DLG2: variants seen among roughly 807,000 people sequenced by gnomAD.
DLG2 encodes the protein discs large MAGUK scaffold protein 2, also known as disks large homolog 2.
In DLG2, 45 loss-of-function variants were observed where a neutral mutation model predicts 132.5. The observed-to-expected ratio is 0.34, with a 90% confidence interval of 0.27 to 0.44. The LOEUF (loss-of-function observed/expected upper bound fraction) is 0.44. DLG2 is among the 20% of genes least tolerant of loss of function. The pLI is 1.00. For missense variants in DLG2, 1,045 were observed against 1,196.9 expected, an observed-to-expected ratio of 0.87 and a Z score of 1.87; for synonymous variants, 424 against 419.6, an observed-to-expected ratio of 1.01 and a Z score of -0.13.
intron 6 of DLG2, among the ~76,000 whole-genome samples, chr11:84,700,792 A>C (rs1400793503): frequency 6.6e-6 from 1 of 151,538 alleles, no homozygotes; most frequent in African/African-American, 2.4e-5. Flanking sequence ...AGGACACACA[A>C]CGTAACTTGA....
intron 7 of DLG2, among the ~76,000 whole-genome samples, chr11:84,441,543 T>C (rs1476378174): frequency 1.3e-5 from 2 of 152,204 alleles, no homozygotes; most frequent in East Asian, 1.9e-4. Context: ...GTTACTTCTA[T>C]ACAAACTAGT....
chr11:85,019,881 G>T (rs938139332), intron 6 of DLG2, among the ~76,000 whole-genome samples: 3 of 152,134 alleles, frequency 2.0e-5, no homozygotes, highest in Admixed American at 6.5e-5. Context: ...TGGACATTTG[G>T]GTTGGTTCCA....
chr11:85,374,045 G>A (rs1468512748), intron 3 of DLG2, among the ~76,000 whole-genome samples: 1 of 152,070 alleles, frequency 6.6e-6, no homozygotes, highest in African/African-American at 2.4e-5. Flanking sequence ...AACTTTCTAT[G>A]TGCAAATTCT....
At chr11:84,148,563 T>C (rs1252381052) in intron 9 of DLG2, among the ~76,000 whole-genome samples, 2 of 152,188 alleles carry the variant, frequency 1.3e-5, no homozygotes, top group African/African-American at 4.8e-5. Context: ...GGTTTTTTTA[T>C]GGCTGTGTAG....
At chr11:84,972,974 T>G (rs2154115449) in intron 6 of DLG2, among the ~76,000 whole-genome samples, 1 of 151,660 alleles carries the variant, frequency 6.6e-6, no homozygotes, top group East Asian at 1.9e-4. Flanking sequence ...CTTTTTTTTT[T>G]GAGACAGAGT....
intron 17 of DLG2, among the ~76,000 whole-genome samples, chr11:83,817,283 G>T (rs1416336305): frequency 2.6e-5 from 4 of 152,092 alleles, no homozygotes; most frequent in Non-Finnish European, 2.9e-5. Context: ...AGTGGGAATG[G>T]CAAGAGAAGG....
At chr11:84,698,974 C>T (rs2058911898) in intron 6 of DLG2, among the ~76,000 whole-genome samples, 1 of 151,536 alleles carries the variant, frequency 6.6e-6, no homozygotes, top group Admixed American at 6.6e-5. Context: ...AATTTTCAGT[C>T]ATCTTCTGGT....
At chr11:84,152,442 A>G (rs2095322464) in intron 9 of DLG2, among the ~76,000 whole-genome samples, 1 of 147,884 alleles carries the variant, frequency 6.8e-6, no homozygotes, top group African/African-American at 2.5e-5. Flanking sequence ...GCTGGAGTGC[A>G]GTGGCGCAAT....
At chr11:84,362,951 A>G (rs535139048) in intron 7 of DLG2, among the ~76,000 whole-genome samples, 89 of 152,180 alleles carry the variant, frequency 5.8e-4, no homozygotes, top group African/African-American at 2.1e-3. Flanking sequence ...GCTATTGTGA[A>G]TAGTGCTGCA....
intron 4 of DLG2, among the ~76,000 whole-genome samples, chr11:85,160,046 C>G (rs1437442431): frequency 6.6e-6 from 1 of 152,136 alleles, no homozygotes; most frequent in Non-Finnish European, 1.5e-5. Context: ...TCTTAGGTGT[C>G]CAGTGGTGTG....
chr11:83,654,593 T>A (rs2071728460), intron 18 of DLG2, among the ~76,000 whole-genome samples: 1 of 152,202 alleles, frequency 6.6e-6, no homozygotes. Flanking sequence ...CATTCAGGCA[T>A]TTTGATGTAT....
intron 3 of DLG2, among the ~76,000 whole-genome samples, chr11:85,454,140 A>T (rs1455239849): frequency 1.3e-5 from 2 of 148,830 alleles, no homozygotes; most frequent in Non-Finnish European, 3.0e-5. Flanking sequence ...TATATGTACC[A>T]CATTTTCTTT....
At chr11:84,447,772 A>T (rs771403043) in intron 7 of DLG2, among the ~76,000 whole-genome samples, 14 of 152,148 alleles carry the variant, frequency 9.2e-5, no homozygotes, top group African/African-American at 3.4e-4. Flanking sequence ...CTTATATAGT[A>T]GATCTGAATT....
intron 4 of DLG2, among the ~76,000 whole-genome samples, chr11:85,164,540 C>A (rs189060142): frequency 6.6e-6 from 1 of 152,278 alleles, no homozygotes; most frequent in Non-Finnish European, 1.5e-5. Context: ...TAGTAAATTT[C>A]TTCTATGCTT....
chr11:84,770,045 T>A (rs1163686440), intron 6 of DLG2, among the ~76,000 whole-genome samples: 1 of 152,056 alleles, frequency 6.6e-6, no homozygotes, highest in East Asian at 1.9e-4. Flanking sequence ...TGGTGGGAGA[T>A]GTGTGGGTTA....
intron 6 of DLG2, among the ~76,000 whole-genome samples, chr11:85,066,728 A>G (rs537248958): frequency 2.8e-4 from 42 of 151,886 alleles, no homozygotes; most frequent in African/African-American, 9.6e-4. Context: ...AAAGCATTCA[A>G]TAGAATTCAA....
chr11:83,813,297 C>T (rs530589628), intron 17 of DLG2, among the ~76,000 whole-genome samples: 56 of 152,210 alleles, frequency 3.7e-4, no homozygotes, highest in African/African-American at 1.3e-3. Context: ...AGCCTCGTGC[C>T]GTATCAGAGG....
At chr11:84,291,582 T>C (rs191190121) in intron 7 of DLG2, among the ~76,000 whole-genome samples, 1 of 152,286 alleles carries the variant, frequency 6.6e-6, no homozygotes, top group Admixed American at 6.5e-5. Context: ...TTTCTCCTCA[T>C]GCAATGACCT....
At chr11:84,559,996 A>C (rs985701953) in intron 6 of DLG2, among the ~76,000 whole-genome samples, 1 of 152,118 alleles carries the variant, frequency 6.6e-6, no homozygotes, top group Non-Finnish European at 1.5e-5. Flanking sequence ...AGGAGGAAGA[A>C]TCTAAGGCTC....
Sources: allele counts gnomAD v4.1 joint callset (sites outside exome capture counted in the v4.1 genomes callset), GRCh38; gene constraint gnomAD v4.1.1; transcripts MANE v1.5; gene names NCBI Gene and HGNC (gene_info 2026-07-23, HGNC 2026-07-21).